Variants in CYTH1 observed in about 807,000 individuals in gnomAD.
CYTH1 encodes the protein cytohesin-1.
CYTH1 carries 18 observed loss-of-function variants against 61.8 expected under a neutral mutation model. The ratio of observed to expected loss-of-function variants is 0.29; its 90% CI spans 0.20 to 0.43. The LOEUF is 0.43. CYTH1 is among the 20% of genes least tolerant of loss of function. CYTH1 has a pLI of 1.00. For missense variants in CYTH1, 336 were observed against 510.5 expected (o/e 0.66, Z 3.29); for synonymous variants, 174 against 184.3 (o/e 0.94, Z 0.45).
rs956684229 is a variant in CYTH1 at position 78,700,531 on chromosome 17, C to CTTT, written c.438-91_438-89dup. 8.3e-6 allele frequency: 7 copies of CTTT among 841,422 alleles called. No individual in the cohort carries two copies. Among genetic ancestry groups the CTTT allele is most frequent in the East Asian group, 3.6e-5 (1 of 27,650 alleles). The allele number at this position is 841,422 out of a possible 1,614,324, so 52.1% of individuals were successfully genotyped here. ...TTAAACTGCCAATGATTTTTTTTTT[C>CTTT]TTTTTTTTTTTGAGATGGAGTCTCA... On this transcript the variant is annotated intron_variant, in intron 6 of 13. Coordinates refer to ENST00000446868, the MANE Select transcript of CYTH1 (RefSeq NM_004762.6). This position sits in a 1 kb window ranked among gnomAD's most constrained non-coding sequence, Gnocchi z 5.1.
At chr17:78,720,466 C>G (rs774650557) in intron 1 of CYTH1, among the ~76,000 whole-genome samples, 4 of 152,208 alleles carry the variant, frequency 2.6e-5, no homozygotes, top group Non-Finnish European at 5.9e-5. Context: ...CTACAGGTGC[C>G]TGCCACCACG....
At chr17:78,684,892 G>T (rs565664971) in intron 11 of CYTH1, among the ~76,000 whole-genome samples, 1 of 152,258 alleles carries the variant, frequency 6.6e-6, no homozygotes, top group East Asian at 1.9e-4. Context: ...TTAAGACAAA[G>T]AAGTTTATGA....
intron 10 of CYTH1, among the ~76,000 whole-genome samples, chr17:78,694,625 G>A (rs2144207761): frequency 6.6e-6 from 1 of 152,208 alleles, no homozygotes; most frequent in African/African-American, 2.4e-5. Flanking sequence ...CGGAGGCTCG[G>A]CACAAAGGGA....
intron 1 of CYTH1, among the ~76,000 whole-genome samples, chr17:78,774,230 A>G (rs1437852876): frequency 6.6e-6 from 1 of 152,212 alleles, no homozygotes; most frequent in Non-Finnish European, 1.5e-5. Context: ...TGACATGTTC[A>G]TGTCACCCTG....
chr17:78,752,383 G>A lies in CYTH1; in HGVS notation c.22+29819C>T, dbSNP rs893728697. ...GTAAAATCTCTACTATCAATAAAGA[G>A]TACCAGGGCTACAGGGATAAACAAT... On this transcript the variant is annotated intron_variant, in intron 1 of 13. Coordinates refer to ENST00000446868, the MANE Select transcript of CYTH1 (RefSeq NM_004762.6). Among the ~76,000 whole-genome samples the A allele has an allele frequency of 2.0e-5, 3 of 152,136 alleles. No homozygotes were observed. In the South Asian group the frequency reaches 6.2e-4, roughly 32 times the overall value.
At chr17:78,719,225 C>T (rs1012512647) in intron 1 of CYTH1, among the ~76,000 whole-genome samples, 6 of 152,198 alleles carry the variant, frequency 3.9e-5, no homozygotes, top group South Asian at 2.1e-4. Flanking sequence ...CAAGTTACTT[C>T]GGCTATCTGT....
At chr17:78,759,877 A>G (rs978036948) in intron 1 of CYTH1, among the ~76,000 whole-genome samples, 2 of 152,198 alleles carry the variant, frequency 1.3e-5, no homozygotes, top group African/African-American at 2.4e-5. Flanking sequence ...TGGAGAGAAC[A>G]GTTAGAGGTT....
At chr17:78,706,466 A>G (rs1223748227) in intron 3 of CYTH1, among the ~76,000 whole-genome samples, 1 of 152,256 alleles carries the variant, frequency 6.6e-6, no homozygotes, top group Non-Finnish European at 1.5e-5. Flanking sequence ...GCTGCACGCT[A>G]GCAGTTCATT....
At chr17:78,707,100 G>A (rs2093075280) in intron 3 of CYTH1, among the ~76,000 whole-genome samples, 3 of 152,142 alleles carry the variant, frequency 2.0e-5, no homozygotes, top group African/African-American at 7.2e-5. Flanking sequence ...ATGGAAAGAG[G>A]GGAAACTAAT....
intron 1 of CYTH1, among the ~76,000 whole-genome samples, chr17:78,771,327 C>CT (rs1442944135): frequency 1.3e-5 from 2 of 152,164 alleles, no homozygotes; most frequent in Non-Finnish European, 2.9e-5. Context: ...ATAATCCCAG[C>CT]TACTCAGGTG....
At chr17:78,743,922 C>A (rs1293418632) in intron 1 of CYTH1, among the ~76,000 whole-genome samples, 3 of 152,082 alleles carry the variant, frequency 2.0e-5, no homozygotes, top group African/African-American at 4.8e-5. Context: ...TGTGTAGAGA[C>A]CCCACATGTG....
chr17:78,721,177 A>G (rs2093225230), intron 1 of CYTH1, among the ~76,000 whole-genome samples: 1 of 152,104 alleles, frequency 6.6e-6, no homozygotes, highest in Non-Finnish European at 1.5e-5. Flanking sequence ...TAAAAATACA[A>G]AAATTAGCCA....
At chr17:78,760,586 T>TAC (rs2093424960) in intron 1 of CYTH1, among the ~76,000 whole-genome samples, 1 of 6,848 alleles carries the variant, frequency 1.5e-4, no homozygotes, top group South Asian at 1.9e-3. Context: ...CATATATATG[T>TAC]ATATATATGT....
chr17:78,764,291 G>A (rs2093439872), intron 1 of CYTH1, among the ~76,000 whole-genome samples: 1 of 150,044 alleles, frequency 6.7e-6, no homozygotes, highest in African/African-American at 2.5e-5. Flanking sequence ...CCGCCTCCTG[G>A]GTTCAAGCAA....
At chr17:78,740,896 G>A (rs1466449119) in intron 1 of CYTH1, among the ~76,000 whole-genome samples, 1 of 152,006 alleles carries the variant, frequency 6.6e-6, no homozygotes, top group Non-Finnish European at 1.5e-5. Flanking sequence ...TTAAATGGAA[G>A]CTTTTAAAAA....
intron 13 of CYTH1, among the ~76,000 whole-genome samples, chr17:78,679,044 G>C (rs1307783376): frequency 6.6e-6 from 1 of 152,184 alleles, no homozygotes; most frequent in Non-Finnish European, 1.5e-5. Flanking sequence ...TCCATCTTCA[G>C]TCAGTTTTAA....
chr17:78,725,897 A>G (rs543907316), intron 1 of CYTH1, among the ~76,000 whole-genome samples: 24 of 152,326 alleles, frequency 1.6e-4, no homozygotes, highest in Non-Finnish European at 2.5e-4. Context: ...CAGATGCCAC[A>G]ATATATACCA....
At chr17:78,729,533 G>T (rs1489464052) in intron 1 of CYTH1, among the ~76,000 whole-genome samples, 1 of 152,190 alleles carries the variant, frequency 6.6e-6, no homozygotes, top group African/African-American at 2.4e-5. Context: ...AGTCTCCCGT[G>T]CTGCTGGGAG....
At chr17:78,736,349 G>A (rs1210062197) in intron 1 of CYTH1, among the ~76,000 whole-genome samples, 2 of 152,066 alleles carry the variant, frequency 1.3e-5, no homozygotes, top group African/African-American at 2.4e-5. Context: ...AAAGATTGGA[G>A]GAGAACTTCT....
Sources: allele counts gnomAD v4.1 joint callset (sites outside exome capture counted in the v4.1 genomes callset), GRCh38; gene constraint gnomAD v4.1.1; non-coding constraint Gnocchi (gnomAD v3.1); transcripts MANE v1.5; gene names NCBI Gene and HGNC (gene_info 2026-07-23, HGNC 2026-07-21).